ANKS1B: variants seen among roughly 807,000 people sequenced by gnomAD.
The protein encoded by ANKS1B is ankyrin repeat and sterile alpha motif domain-containing protein 1B.
A neutral mutation model predicts 148.3 loss-of-function variants in ANKS1B; 36 were observed. That is an observed-to-expected ratio of 0.24 (90% CI 0.19 to 0.32). ANKS1B has a LOEUF of 0.32. ANKS1B is among the 10% of genes least tolerant of loss of function. The pLI, the probability that ANKS1B is intolerant of heterozygous loss-of-function variation, is 1.00. For synonymous variants in ANKS1B, 542 were observed against 560.8 expected, an observed-to-expected ratio of 0.97 and a Z score of 0.47; for missense variants, 1,157 against 1,542.6, an observed-to-expected ratio of 0.75 and a Z score of 4.19.
At chr12:99,773,780 T>C (rs1401833203) in intron 7 of ANKS1B, among the ~76,000 whole-genome samples, 1 of 152,124 alleles carries the variant, frequency 6.6e-6, no homozygotes, top group Admixed American at 6.5e-5. Context: ...TGACTATAGA[T>C]GCATGGATTT....
chr12:99,705,459 C>T (rs977581045), intron 8 of ANKS1B, among the ~76,000 whole-genome samples: 5 of 152,086 alleles, frequency 3.3e-5, no homozygotes, highest in African/African-American at 9.7e-5. Context: ...GTTGTCAAGA[C>T]TTCTCCAACT....
intron 9 of ANKS1B, among the ~76,000 whole-genome samples, chr12:99,509,885 T>C (rs763238108): frequency 1.4e-4 from 21 of 152,018 alleles, no homozygotes; most frequent in Non-Finnish European, 2.9e-4. Flanking sequence ...TGTTAGGGGC[T>C]AGTGCAGTTG....
chr12:99,973,164 CACA>C (rs1479153285), intron 1 of ANKS1B, among the ~76,000 whole-genome samples: 1 of 152,236 alleles, frequency 6.6e-6, no homozygotes, highest in Admixed American at 6.5e-5. Context: ...TGCCTGCTAA[CACA>C]ACATCCATTC....
chr12:99,956,249 G>T (rs1010270306), intron 1 of ANKS1B, among the ~76,000 whole-genome samples: 4 of 147,966 alleles, frequency 2.7e-5, no homozygotes, highest in African/African-American at 1.0e-4. Flanking sequence ...TTGCACTCCA[G>T]CCTGAGTGAC....
At chr12:99,821,783 T>C (rs186992964) in intron 2 of ANKS1B, among the ~76,000 whole-genome samples, 4 of 152,174 alleles carry the variant, frequency 2.6e-5, no homozygotes, top group Admixed American at 2.6e-4. Context: ...GAATCCATAA[T>C]TCAGATAGCC....
chr12:99,022,752 T>A (rs1205396402), intron 17 of ANKS1B, among the ~76,000 whole-genome samples: 1 of 152,172 alleles, frequency 6.6e-6, no homozygotes, highest in East Asian at 1.9e-4. Flanking sequence ...AGTGGTGTAG[T>A]TATAGTTCAT....
chr12:99,291,821 T>G (rs1305399315), intron 12 of ANKS1B, among the ~76,000 whole-genome samples: 1 of 152,022 alleles, frequency 6.6e-6, no homozygotes, highest in Non-Finnish European at 1.5e-5. Flanking sequence ...TATAGACCAA[T>G]GGAACAGAAC....
At chr12:99,614,377 G>A (rs2097929300) in intron 9 of ANKS1B, among the ~76,000 whole-genome samples, 1 of 150,566 alleles carries the variant, frequency 6.6e-6, no homozygotes. Flanking sequence ...GGAGGTTGCA[G>A]TGAGTTGAGA....
Position 98,829,401 on chromosome 12 carries a change from C to A in ANKS1B, c.2887-48G>T. ...ATAAATACCATGTTCTGTGGCTAAC[C>A]TTTGGTTTCAAAATTGTGAAATACT... On this transcript the variant is annotated intron_variant, in intron 18 of 26. Coordinates refer to ENST00000683438, the MANE Select transcript of ANKS1B (RefSeq NM_001352186.2). This position sits in a 1 kb window ranked among gnomAD's most constrained non-coding sequence, Gnocchi z 5.2. The A allele has an allele frequency of 6.4e-7, 1 of 1,573,608 alleles. No individual in the cohort carries two copies. The highest frequency in any genetic ancestry group is 8.6e-7 in the Non-Finnish European group (1 of 1,157,266).
intron 8 of ANKS1B, among the ~76,000 whole-genome samples, chr12:99,680,986 T>C (rs973451341): frequency 2.0e-5 from 3 of 151,932 alleles, no homozygotes; most frequent in Non-Finnish European, 2.9e-5. Flanking sequence ...ACAGAAGCCA[T>C]AGCAAGTCCT....
At chr12:99,164,623 T>C (rs2077023202) in intron 14 of ANKS1B, among the ~76,000 whole-genome samples, 1 of 152,086 alleles carries the variant, frequency 6.6e-6, no homozygotes, top group South Asian at 2.1e-4. Context: ...AAAAACGCTC[T>C]ATATCCTTCA....
intron 12 of ANKS1B, among the ~76,000 whole-genome samples, chr12:99,247,786 T>C (rs555142640): frequency 1.3e-5 from 2 of 152,290 alleles, no homozygotes; most frequent in African/African-American, 4.8e-5. Context: ...GAAGTGTCCT[T>C]TTTTTCAGTG....
chr12:99,662,211 G>A (rs942504324), intron 8 of ANKS1B, among the ~76,000 whole-genome samples: 6 of 152,246 alleles, frequency 3.9e-5, no homozygotes, highest in African/African-American at 1.2e-4. Flanking sequence ...TCTTATTGGT[G>A]CTTTAGGTAT....
Position 99,839,555 on chromosome 12 carries a change from T to C in ANKS1B, c.135-14166A>G, listed in dbSNP as rs1444592396. Among the ~76,000 whole-genome samples the C allele has an allele frequency of 1.3e-5, 2 of 152,164 alleles. 1 individual carries two copies. Among genetic ancestry groups the C allele is most frequent in the South Asian group, 4.1e-4 (2 of 4,830 alleles). The stretch of plus-strand genomic sequence containing the variant: ...ATTTAATTGGTCTAACCTTTTTATA[T>C]TTTCTTTATAGAACTCTTAAAAATA... On this transcript the variant is annotated intron_variant, in intron 1 of 26. Transcript: ENST00000683438.
At chr12:99,178,705 A>G (rs943339091) in intron 14 of ANKS1B, among the ~76,000 whole-genome samples, 1 of 152,202 alleles carries the variant, frequency 6.6e-6, no homozygotes, top group African/African-American at 2.4e-5. Context: ...GGTTTCATTG[A>G]AAATAACTTT....
intron 15 of ANKS1B, among the ~76,000 whole-genome samples, chr12:99,101,956 G>A (rs922468760): frequency 6.6e-6 from 1 of 152,164 alleles, no homozygotes; most frequent in Non-Finnish European, 1.5e-5. Flanking sequence ...TGAAGTTTGG[G>A]GAGAGGTTCA....
chr12:98,826,330 C>T (rs1306669190), intron 19 of ANKS1B, among the ~76,000 whole-genome samples: 1 of 152,052 alleles, frequency 6.6e-6, no homozygotes, highest in East Asian at 1.9e-4. Context: ...ATCAATTAAA[C>T]CCCATTCTAG....
At chr12:99,139,514 G>A (rs1415829560) in intron 15 of ANKS1B, among the ~76,000 whole-genome samples, 1 of 132,492 alleles carries the variant, frequency 7.5e-6, no homozygotes, top group Admixed American at 8.8e-5. Flanking sequence ...CTGGTCTCAG[G>A]CAATGCTCCT....
At chr12:99,549,130 G>T (rs139045070) in intron 9 of ANKS1B, among the ~76,000 whole-genome samples, 2 of 152,068 alleles carry the variant, frequency 1.3e-5, no homozygotes, top group Admixed American at 1.3e-4. Context: ...ACTCTAGATA[G>T]GTCATACAAT....
Sources: allele counts gnomAD v4.1 joint callset (sites outside exome capture counted in the v4.1 genomes callset), GRCh38; gene constraint gnomAD v4.1.1; non-coding constraint Gnocchi (gnomAD v3.1); transcripts MANE v1.5; gene names NCBI Gene and HGNC (gene_info 2026-07-23, HGNC 2026-07-21).